BOD1: variants seen among roughly 807,000 people sequenced by gnomAD.
The protein encoded by BOD1 is biorientation of chromosomes in cell division protein 1.
Under a neutral mutation model 15.7 loss-of-function variants are expected in BOD1, and 11 were observed. The ratio of observed to expected loss-of-function variants is 0.70; its 90% confidence interval spans 0.44 to 1.16. The LOEUF is 1.16. BOD1 is among the 50% of genes most tolerant of loss of function. BOD1 has a pLI of 0.00. For missense variants in BOD1, 182 were observed against 244.5 expected (o/e 0.74, Z 1.70); for synonymous variants, 105 against 103.5 (o/e 1.01, Z -0.09).
At chr5:173,608,673 A>C (rs1402337869) in intron 3 of BOD1, among the ~76,000 whole-genome samples, 1 of 152,244 alleles carries the variant, frequency 6.6e-6, no homozygotes, top group East Asian at 1.9e-4. Context: ...ACCTGCAAAA[A>C]GCATTCTTTT....
chr5:173,611,258 C>CTTTA (rs1755344598), intron 2 of BOD1, among the ~76,000 whole-genome samples: 1 of 152,216 alleles, frequency 6.6e-6, no homozygotes, highest in South Asian at 2.1e-4. Context: ...AGTGCAATAG[C>CTTTA]ACAGGCTAAT....
intron 2 of BOD1, 114 bp from the exon 3 acceptor site, chr5:173,609,548 T>C (rs1018474036): frequency 9.2e-7 from 1 of 1,089,600 alleles, no homozygotes; most frequent in African/African-American, 1.6e-5. Context: ...CTACAGCCCT[T>C]CTAGGGAGTT....
At chr5:173,613,621 A>G (rs1382512337) in intron 1 of BOD1, among the ~76,000 whole-genome samples, 2 of 152,236 alleles carry the variant, frequency 1.3e-5, no homozygotes, top group Non-Finnish European at 2.9e-5. Flanking sequence ...CGCCCCATGA[A>G]CATGTGAACA....
chr5:173,612,337 CA>C (rs1162676461), intron 2 of BOD1, among the ~76,000 whole-genome samples: 1 of 152,206 alleles, frequency 6.6e-6, no homozygotes, highest in African/African-American at 2.4e-5. Context: ...AGGAAAATGA[CA>C]CTGGTCCAAT....
chr5:173,613,611 C>A (rs1021380656), intron 1 of BOD1, among the ~76,000 whole-genome samples: 1 of 152,194 alleles, frequency 6.6e-6, no homozygotes. Flanking sequence ...GTAGACCTGC[C>A]GCCCCATGAA....
chr5:173,615,231 T>A (rs576962425), intron 1 of BOD1, among the ~76,000 whole-genome samples: 1 of 152,378 alleles, frequency 6.6e-6, no homozygotes, highest in Non-Finnish European at 1.5e-5. Context: ...TATTTACATG[T>A]CAGTTTTCTA....
intron 1 of BOD1, among the ~76,000 whole-genome samples, chr5:173,615,407 T>G (rs1390822318): frequency 1.3e-5 from 2 of 152,222 alleles, no homozygotes; most frequent in Admixed American, 6.5e-5. Context: ...GCAAAATGTT[T>G]CCATGACAGG....
At position 173,616,470 on chromosome 5, in the gene BOD1, A is replaced by G. The variant is rs1755507929; in HGVS notation, c.-34T>C. On this transcript the variant is annotated 5_prime_UTR_variant, in exon 1 of 4. Transcript: ENST00000311086. Reference sequence around the variant, plus strand: ...CCCGGGCCCACAAGGGAGAACGACTATAGCTTCTTCTCCAGGACAGAAGGC... The same window carrying G: ...CCCGGGCCCACAAGGGAGAACGACTGTAGCTTCTTCTCCAGGACAGAAGGC... 6.4e-7 allele frequency: 1 copy of G among 1,557,698 alleles called. No homozygotes were observed. Among genetic ancestry groups the G allele is most frequent in the South Asian group, 1.1e-5 (1 of 86,974 alleles).
intron 2 of BOD1, among the ~76,000 whole-genome samples, chr5:173,612,089 G>C (rs1265017276): frequency 6.6e-6 from 1 of 152,236 alleles, no homozygotes; most frequent in Non-Finnish European, 1.5e-5. Flanking sequence ...AAGGCACTCG[G>C]TACTGACTCC....
Position 173,613,679 on chromosome 5 carries a change from T to C in BOD1, c.238-424A>G, listed in dbSNP as rs549737316. Among the ~76,000 whole-genome samples the C allele has an allele frequency of 1.1e-3, 172 of 152,320 alleles. 1 individual carries two copies. The highest frequency in any genetic ancestry group is 4.0e-3 in the African/African-American group (167 of 41,576). On this transcript the variant is annotated intron_variant, in intron 1 of 3. Coordinates refer to ENST00000311086, the MANE Select transcript of BOD1 (RefSeq NM_138369.3). The stretch of plus-strand genomic sequence containing the variant: ...GATTCAGTTTGCTATGCAGCATTAC[T>C]GCGGCAAAGTTTGCTAACAGTCAGG...
Position 173,616,241 on chromosome 5 carries a change from C to A in BOD1, c.196G>T (p.Asp66Tyr). 6.4e-7 allele frequency: 1 copy of A among 1,574,372 alleles called. No homozygotes were observed. The highest frequency in any genetic ancestry group is 1.2e-5 in the South Asian group (1 of 86,068). Residue 66 changes from aspartate to tyrosine, a missense_variant, in exon 1 of 4, where the codon GAC becomes TAC. Around this residue, in one of 3 missense-constraint regions of BOD1, gnomAD observed 70 missense variants for 130.3 expected, o/e 0.54. Transcript: ENST00000311086. ...VEQLKSRGLF[D>Y]SFRRDCLADV... Reference sequence around the variant, plus strand: ...GCCAGGCAGTCCCGGCGGAAGCTGTCAAAAAGGCCCCGGCTCTTGAGCTGC... The same window carrying A: ...GCCAGGCAGTCCCGGCGGAAGCTGTAAAAAAGGCCCCGGCTCTTGAGCTGC...
At chr5:173,611,686 G>C (rs1755360158) in intron 2 of BOD1, among the ~76,000 whole-genome samples, 1 of 152,204 alleles carries the variant, frequency 6.6e-6, no homozygotes, top group Admixed American at 6.5e-5. Context: ...TTCTCGATCT[G>C]GGTGATCAAG....
rs1346556217 is a variant in BOD1 at position 173,616,465 on chromosome 5, C to T, written c.-29G>A. 5.1e-6 allele frequency: 8 copies of T among 1,558,840 alleles called. No individual in the cohort carries two copies. Among genetic ancestry groups the T allele is most frequent in the Non-Finnish European group, 6.9e-6 (8 of 1,163,958 alleles). ...TGCGCCCCGGGCCCACAAGGGAGAA[C>T]GACTATAGCTTCTTCTCCAGGACAG... On this transcript the variant is annotated 5_prime_UTR_variant, in exon 1 of 4. Coordinates refer to ENST00000311086, the MANE Select transcript of BOD1 (RefSeq NM_138369.3).
In BOD1 at chr5:173,616,590, G is replaced by GGTC. The variant is rs1554110402; in HGVS notation, c.-155_-154insGAC. 54 of 1,356,776 alleles carry GGTC rather than the reference G, an allele frequency of 4.0e-5. No individual in the cohort carries two copies. In the African/African-American group the frequency reaches 6.2e-4, roughly 16 times the overall value. The allele number at this position is 1,356,776 out of a possible 1,614,324, so 84.0% of individuals were successfully genotyped here. A position where few individuals can be genotyped will look rare whatever the true frequency, so the allele number is the denominator to read the frequency against. The stretch of plus-strand genomic sequence containing the variant: ...GCGATGGCGGCAGGGGCGGTGGTGG[G>GGTC]GGCGGCGGCGGCGAAGGCCCCCTCT... On this transcript the variant is annotated 5_prime_UTR_variant, in exon 1 of 4. Transcript: ENST00000311086.
At position 173,610,356 on chromosome 5, in the gene BOD1, A is replaced by G. The variant is rs554897967; in HGVS notation, c.363-922T>C. Among the ~76,000 whole-genome samples, 4 of 152,370 alleles carry G rather than the reference A, an allele frequency of 2.6e-5. No individual in the cohort carries two copies. The South Asian group carries it at 8.3e-4, about 32-fold the overall frequency. On this transcript the variant is annotated intron_variant, in intron 2 of 3. Coordinates refer to ENST00000311086, the MANE Select transcript of BOD1 (RefSeq NM_138369.3). ...AAGTGGGCAAATGGTCTGTCAGGGT[A>G]CAGCAAAGGAAAGACATGAGTAAAT...
chr5:173,609,601 A>C (rs1755295603), intron 2 of BOD1, 167 bp from the exon 3 acceptor site: 1 of 624,554 alleles, frequency 1.6e-6, no homozygotes, highest in Non-Finnish European at 2.7e-6. Flanking sequence ...CGCTATTTTC[A>C]CTTTTGAGGG....
intron 1 of BOD1, among the ~76,000 whole-genome samples, chr5:173,615,878 A>G (rs1480454160): frequency 1.3e-5 from 2 of 152,160 alleles, no homozygotes; most frequent in Non-Finnish European, 2.9e-5. Flanking sequence ...TTGCTTATCT[A>G]CTTGGTTTCG....
intron 1 of BOD1, among the ~76,000 whole-genome samples, chr5:173,615,680 G>T (rs554834790): frequency 6.6e-6 from 1 of 152,336 alleles, no homozygotes; most frequent in East Asian, 1.9e-4. Context: ...TATCAATGAT[G>T]AAGTGCAAAA....
chr5:173,616,149 G>A (rs1387142259), intron 1 of BOD1, 51 bp downstream of exon 1: 1 of 1,546,350 alleles, frequency 6.5e-7, no homozygotes, highest in Admixed American at 1.9e-5. Flanking sequence ...GCTGCCACCC[G>A]GCGGCCTCAC....
Sources: allele counts gnomAD v4.1 joint callset (sites outside exome capture counted in the v4.1 genomes callset), GRCh38; gene constraint gnomAD v4.1.1; regional missense constraint gnomAD v4.1.1; transcripts MANE v1.5; gene names NCBI Gene and HGNC (gene_info 2026-07-23, HGNC 2026-07-21).